The following DENND1A variants were observed in gnomAD, a reference collection of about 807,000 sequenced individuals.
DENND1A encodes the protein DENN domain containing 1A, also known as DENN domain-containing protein 1A.
DENND1A carries 51 observed loss-of-function variants against 113.7 expected under a neutral mutation model. That is an observed-to-expected ratio of 0.45 (90% CI 0.36 to 0.57). The LOEUF is 0.57. Among genes scored for constraint, DENND1A ranks in the 20% least tolerant of loss-of-function variants. The pLI is 0.00. For synonymous variants in DENND1A, 565 were observed against 570.8 expected (o/e 0.99, Z 0.14); for missense variants, 1,258 against 1,395.9 (o/e 0.90, Z 1.57).
intron 8 of DENND1A, among the ~76,000 whole-genome samples, chr9:123,653,294 A>G (rs1457687143): frequency 6.6e-6 from 1 of 152,212 alleles, no homozygotes; most frequent in East Asian, 1.9e-4. Flanking sequence ...CTAACTACCT[A>G]TCAAGTGCCA....
intron 2 of DENND1A, among the ~76,000 whole-genome samples, chr9:123,826,304 G>A (rs931845228): frequency 4.6e-5 from 7 of 152,120 alleles, no homozygotes; most frequent in African/African-American, 1.7e-4. Flanking sequence ...TCAGGAGGCT[G>A]GAGTCAGATG....
chr9:123,664,765 C>T (rs1350976841), intron 8 of DENND1A, among the ~76,000 whole-genome samples: 2 of 152,092 alleles, frequency 1.3e-5, no homozygotes, highest in African/African-American at 4.8e-5. Context: ...TCGTTCACCA[C>T]CATAAAAGAC....
intron 21 of DENND1A, among the ~76,000 whole-genome samples, chr9:123,397,174 T>C (rs565569909): frequency 5.9e-5 from 9 of 152,222 alleles, no homozygotes; most frequent in Non-Finnish European, 8.8e-5. Flanking sequence ...TTTTCTTTTT[T>C]TTTAGAGTCT....
At chr9:123,388,463 A>G (rs2130973144) in intron 21 of DENND1A, among the ~76,000 whole-genome samples, 1 of 152,342 alleles carries the variant, frequency 6.6e-6, no homozygotes, top group Middle Eastern at 3.4e-3. Flanking sequence ...CTATTCCAAT[A>G]AGCAGGAAGA....
At chr9:123,644,345 T>C (rs2062183365) in intron 9 of DENND1A, among the ~76,000 whole-genome samples, 1 of 130,708 alleles carries the variant, frequency 7.7e-6, no homozygotes, top group Non-Finnish European at 1.5e-5. Context: ...ATTCTGTGAA[T>C]GCTCTTTAGT....
At chr9:123,579,056 G>A (rs2058759688) in intron 12 of DENND1A, among the ~76,000 whole-genome samples, 1 of 152,214 alleles carries the variant, frequency 6.6e-6, no homozygotes, top group Non-Finnish European at 1.5e-5. Context: ...GCAGGGAGGA[G>A]AGAGAACTAC....
chr9:123,731,047 G>A (rs1589843638), intron 5 of DENND1A, among the ~76,000 whole-genome samples: 2 of 152,068 alleles, frequency 1.3e-5, no homozygotes, highest in African/African-American at 4.8e-5. Flanking sequence ...CATAAGTGGG[G>A]GTTGAACAGT....
At chr9:123,830,573 G>T (rs1840020023) in intron 2 of DENND1A, among the ~76,000 whole-genome samples, 1 of 152,008 alleles carries the variant, frequency 6.6e-6, no homozygotes, top group Non-Finnish European at 1.5e-5. Context: ...CTTCAAAACA[G>T]GGAAAAGAGG....
Position 123,594,101 on chromosome 9 carries a change from C to T in DENND1A, c.766-10831G>A, listed in dbSNP as rs568784466. On this transcript the variant is annotated intron_variant, in intron 11 of 23. Coordinates refer to ENST00000394215, the MANE Select transcript of DENND1A (RefSeq NM_001352964.2). ...GCCAATTAAACCTCTTTATAAATTG[C>T]CCAGTCTCAAGTAGTTCTTTATAGT... Among the ~76,000 whole-genome samples, 4 of 152,292 alleles carry T rather than the reference C, an allele frequency of 2.6e-5. No individual in the cohort carries two copies. The East Asian group carries it at 7.7e-4, about 29-fold the overall frequency.
chr9:123,566,562 G>A (rs902191656), intron 12 of DENND1A, among the ~76,000 whole-genome samples: 11 of 152,158 alleles, frequency 7.2e-5, no homozygotes, highest in African/African-American at 2.4e-4. Flanking sequence ...TGGCTACTTC[G>A]TTATGTGCTA....
intron 1 of DENND1A, among the ~76,000 whole-genome samples, chr9:123,928,339 C>T (rs1461283705): frequency 1.3e-5 from 2 of 152,178 alleles, no homozygotes; most frequent in African/African-American, 2.4e-5. Flanking sequence ...GGTAAGTGTC[C>T]TCACGCATAC....
chr9:123,918,519 T>C (rs1436335685), intron 1 of DENND1A, among the ~76,000 whole-genome samples: 18 of 150,594 alleles, frequency 1.2e-4, no homozygotes, highest in Non-Finnish European at 3.0e-5. Flanking sequence ...AAATTCCCAC[T>C]GGACAAAGAT....
At chr9:123,500,143 GAAAAGTCT>G in intron 13 of DENND1A, among the ~76,000 whole-genome samples, 1 of 152,174 alleles carries the variant, frequency 6.6e-6, no homozygotes, top group South Asian at 2.1e-4. Context: ...TAAAAGTTAA[GAAAAGTCT>G]AAAAGTCACT....
intron 12 of DENND1A, among the ~76,000 whole-genome samples, chr9:123,563,660 C>T (rs189250639): frequency 1.8e-4 from 28 of 152,278 alleles, no homozygotes; most frequent in Admixed American, 1.8e-3. Flanking sequence ...TAGTCTAATT[C>T]ATCCTTCGCA....
intron 5 of DENND1A, among the ~76,000 whole-genome samples, chr9:123,741,465 A>T (rs936793424): frequency 2.6e-5 from 4 of 152,184 alleles, no homozygotes; most frequent in Non-Finnish European, 4.4e-5. Flanking sequence ...ATTTTTCAAA[A>T]TTTCAGGTAT....
chr9:123,625,484 C>T (rs922749725), intron 10 of DENND1A, among the ~76,000 whole-genome samples: 36 of 152,258 alleles, frequency 2.4e-4, no homozygotes, highest in Admixed American at 1.9e-3. Flanking sequence ...TAGCTCATGC[C>T]TGTAATCCCA....
intron 12 of DENND1A, among the ~76,000 whole-genome samples, chr9:123,580,882 T>C (rs2058856848): frequency 6.6e-6 from 1 of 152,162 alleles, no homozygotes; most frequent in South Asian, 2.1e-4. Context: ...GCGGGATACA[T>C]AGAGTAGAAG....
chr9:123,649,776 CCTTT>C (rs1392680700), intron 9 of DENND1A, among the ~76,000 whole-genome samples: 1 of 152,012 alleles, frequency 6.6e-6, no homozygotes, highest in East Asian at 1.9e-4. Flanking sequence ...TAGATTTATT[CCTTT>C]ATTTCATTTT....
chr9:123,785,939 A>G (rs1187552415), intron 3 of DENND1A, among the ~76,000 whole-genome samples: 2 of 152,318 alleles, frequency 1.3e-5, no homozygotes, highest in African/African-American at 4.8e-5. Context: ...CTGGCCAGGC[A>G]CTGCGGCTTA....
Sources: gnomAD v4.1 joint callset for allele counts (sites outside exome capture counted in the v4.1 genomes callset) on GRCh38, gnomAD v4.1.1 for gene constraint, MANE v1.5 for transcripts, NCBI Gene and HGNC (gene_info 2026-07-23, HGNC 2026-07-21) for gene names.